ITGA4: variants seen among roughly 807,000 people sequenced by gnomAD.
ITGA4 encodes integrin alpha-4.
A neutral mutation model predicts 133.6 loss-of-function variants in ITGA4; 63 were observed. That is an observed-to-expected ratio of 0.47 (90% confidence interval 0.38 to 0.58). The LOEUF is 0.58. Among genes scored for constraint, ITGA4 ranks in the 20% least tolerant of loss-of-function variants. ITGA4 has a pLI of 0.00. For missense variants in ITGA4, 1,076 were observed against 1,252.7 expected, an observed-to-expected ratio of 0.86 and a Z score of 2.13; for synonymous variants, 483 against 438.0, an observed-to-expected ratio of 1.10 and a Z score of -1.28.
chr2:181,493,173 A>G (rs1574394841), intron 10 of ITGA4, 152 bp from the exon 11 acceptor site: 4 of 584,578 alleles, frequency 6.8e-6, no homozygotes, highest in Admixed American at 3.2e-5. Flanking sequence ...TGATGATGAT[A>G]GTATTTTATT....
Position 181,525,233 on chromosome 2 carries a change from C to A in ITGA4, c.2281C>A (p.His761Asn). 6.2e-7 allele frequency: 1 copy of A among 1,607,830 alleles called. No individual in the cohort carries two copies. Among genetic ancestry groups the A allele is most frequent in the Non-Finnish European group, 8.5e-7 (1 of 1,174,778 alleles). ...ENEEEMDNLK[H>N]SRVTVAIPLK... Reference sequence around the variant, plus strand: ...TGAAGAGGAAATGGACAATCTAAAGCACAGCAGAGTGACTGTAGCAATACC... The same window carrying A: ...TGAAGAGGAAATGGACAATCTAAAGAACAGCAGAGTGACTGTAGCAATACC... Residue 761 changes from histidine (H) to asparagine (N), a missense_variant, in exon 21 of 28, where the codon CAC becomes AAC. Transcript: ENST00000397033.
intron 15 of ITGA4, among the ~76,000 whole-genome samples, chr2:181,508,846 A>G (rs2105755237): frequency 6.6e-6 from 1 of 152,158 alleles, no homozygotes; most frequent in South Asian, 2.1e-4. Flanking sequence ...GAAAAGTTCC[A>G]TAAAGAAAGA....
intron 25 of ITGA4, among the ~76,000 whole-genome samples, chr2:181,532,271 G>GT (rs768497780): frequency 1.1e-4 from 16 of 152,212 alleles, no homozygotes; most frequent in Non-Finnish European, 1.8e-4. Context: ...ATTTAAAGTA[G>GT]TTTTTTCTAA....
chr2:181,458,019 G>T (rs569544541), intron 1 of ITGA4, among the ~76,000 whole-genome samples, 168 bp downstream of exon 1: 5 of 152,328 alleles, frequency 3.3e-5, no homozygotes, highest in African/African-American at 1.2e-4. Context: ...ACTTATCTTG[G>T]GGCGGCAGCG....
chr2:181,522,163 G>A (rs1160575568), intron 17 of ITGA4, 28 bp from the exon 18 acceptor site: 1 of 1,406,542 alleles, frequency 7.1e-7, no homozygotes, highest in Non-Finnish European at 9.9e-7. Context: ...TCCTAAACAA[G>A]AACTAAATAA....
Position 181,511,721 on chromosome 2 carries a change from C to T in ITGA4, c.1868C>T (p.Ala623Val). ...CAGATAAACTTTGCAAGGTTTTGTG[C>T]CCATGAAAATTGTTCTGCTGATTTA... ...KKTINFARFCAHENCSADLQV... is the reference protein window; with the variant it reads ...KKTINFARFCVHENCSADLQV... Residue 623 changes from alanine (A) to valine (V), a missense_variant, in exon 17 of 28, where the codon GCC (alanine) becomes GTC (valine). Physicochemically the swap from Ala to Val is moderately conservative, Grantham distance 64. Transcript: ENST00000397033. 1 of 1,597,252 alleles carries T rather than the reference C, an allele frequency of 6.3e-7. No individual in the cohort carries two copies. The highest frequency in any genetic ancestry group is 8.6e-7 in the Non-Finnish European group (1 of 1,165,454).
intron 2 of ITGA4, among the ~76,000 whole-genome samples, chr2:181,459,903 C>T (rs1685225690): frequency 6.6e-6 from 1 of 152,090 alleles, no homozygotes. Context: ...TTCTGGATGT[C>T]TGTGTTTAAC....
At position 181,535,457 on chromosome 2, in the gene ITGA4, A is replaced by T. The variant is rs768607832; in HGVS notation, c.3029A>T (p.Lys1010Ile). 1 of 1,609,816 alleles carries T rather than the reference A, an allele frequency of 6.2e-7. No homozygotes were observed. The highest frequency in any genetic ancestry group is 8.5e-7 in the Non-Finnish European group (1 of 1,177,714). Residue 1010 changes from lysine (K) to isoleucine (I), a missense_variant, in exon 28 of 28, where the codon AAA (lysine) becomes ATA (isoleucine). Physicochemically the swap from Lys to Ile is moderately radical, Grantham distance 102 (BLOSUM62 -3). This residue lies in a region of ITGA4 where 193 missense variants were observed against 172.3 expected (regional missense o/e 1.12). Transcript: ENST00000397033. ...GCTGGCTTCTTTAAAAGACAATACA[A>T]ATCTATCCTACAAGAAGAAAACAGA... ...WKAGFFKRQY[K>I]SILQEENRRD...
intron 19 of ITGA4, 38 bp from the exon 20 acceptor site, chr2:181,524,133 A>G: frequency 7.4e-7 from 1 of 1,353,316 alleles, no homozygotes; most frequent in Non-Finnish European, 1.0e-6. Flanking sequence ...TGTACTTAAG[A>G]TTTTTTTTAA....
intron 4 of ITGA4, chr2:181,475,738 A>G (rs1025286828): frequency 2.0e-6 from 3 of 1,511,052 alleles, no homozygotes; most frequent in Non-Finnish European, 2.7e-6. Flanking sequence ...CTCTTTTTCT[A>G]ATTTACATGT....
At chr2:181,519,857 C>T (rs1686682825) in intron 17 of ITGA4, among the ~76,000 whole-genome samples, 1 of 152,152 alleles carries the variant, frequency 6.6e-6, no homozygotes, top group African/African-American at 2.4e-5. Flanking sequence ...AGACTTCTAA[C>T]AGTCAATAAC....
chr2:181,530,753 G>A, intron 24 of ITGA4, 104 bp downstream of exon 24: 1 of 1,049,878 alleles, frequency 9.5e-7, no homozygotes, highest in Middle Eastern at 2.2e-4. Context: ...TAATAAGAGA[G>A]AAGACAAGTT....
At chr2:181,496,033 G>A (rs1209978499) in intron 14 of ITGA4, 96 bp downstream of exon 14, 7 of 1,270,478 alleles carry the variant, frequency 5.5e-6, no homozygotes, top group South Asian at 4.2e-5. Flanking sequence ...TCACCACGGA[G>A]ATCTTCTTTA....
At chr2:181,524,340 T>A in intron 20 of ITGA4, 90 bp downstream of exon 20, 1 of 706,524 alleles carries the variant, frequency 1.4e-6, no homozygotes, top group South Asian at 2.3e-5. Context: ...TGTGTTCCAT[T>A]AATTGTAAGA....
chr2:181,463,812 C>A (rs1380710222), intron 2 of ITGA4, among the ~76,000 whole-genome samples: 1 of 152,120 alleles, frequency 6.6e-6, no homozygotes, highest in Admixed American at 6.5e-5. Flanking sequence ...ACCCCATTCA[C>A]CTCCAAGGCT....
At chr2:181,465,472 A>G (rs1685389351) in intron 2 of ITGA4, among the ~76,000 whole-genome samples, 1 of 152,092 alleles carries the variant, frequency 6.6e-6, no homozygotes, top group South Asian at 2.1e-4. Flanking sequence ...CAAGCATGGA[A>G]CTTTAATACT....
chr2:181,536,783 ATTTATT>A lies in ITGA4; in HGVS notation c.*1259_*1264del. On this transcript the variant is annotated 3_prime_UTR_variant, in exon 28 of 28. Coordinates refer to ENST00000397033, the MANE Select transcript of ITGA4 (RefSeq NM_000885.6). ...CTTTAAATACAATCATTTTTGTAAT[ATTTATT>A]TTATGCTTATGATCTAGATAATTGC... The A allele has an allele frequency of 4.1e-6, 1 of 245,848 alleles. No individual in the cohort carries two copies. Among genetic ancestry groups the A allele is most frequent in the East Asian group, 1.0e-4 (1 of 9,686 alleles). The allele number at this position is 245,848 out of a possible 1,614,324, so 15.2% of individuals were successfully genotyped here. A position where few individuals can be genotyped will look rare whatever the true frequency, so the allele number is the denominator to read the frequency against.
At chr2:181,521,787 C>T (rs553489645) in intron 17 of ITGA4, among the ~76,000 whole-genome samples, 1 of 152,236 alleles carries the variant, frequency 6.6e-6, no homozygotes, top group East Asian at 1.9e-4. Context: ...CATTTTCCTC[C>T]CTCGGTTCAG....
chr2:181,531,568 A>AGAG (rs1278937333), intron 24 of ITGA4, 89 bp from the exon 25 acceptor site: 2 of 563,030 alleles, frequency 3.6e-6, no homozygotes, highest in Non-Finnish European at 5.6e-6. Context: ...AAATGCCATT[A>AGAG]GAGTATATAT....
Sources: gnomAD v4.1 joint callset for allele counts (sites outside exome capture counted in the v4.1 genomes callset) on GRCh38, gnomAD v4.1.1 for gene constraint, gnomAD v4.1.1 regional missense constraint, MANE v1.5 for transcripts, NCBI Gene and HGNC (gene_info 2026-07-23, HGNC 2026-07-21) for gene names.